The following SERINC5 variants were observed in gnomAD, a reference collection of about 807,000 sequenced individuals.
SERINC5 encodes serine incorporator 5.
SERINC5 carries 41 observed loss-of-function variants against 63.1 expected under a neutral mutation model. The observed-to-expected ratio is 0.65, with a 90% CI of 0.51 to 0.84. SERINC5 has a LOEUF of 0.84. Among genes scored for constraint, SERINC5 ranks in the 40% least tolerant of loss-of-function variants. SERINC5 has a pLI of 0.00. For missense variants in SERINC5, 523 were observed against 573.0 expected, an observed-to-expected ratio of 0.91 and a Z score of 0.89; for synonymous variants, 222 against 215.2, an observed-to-expected ratio of 1.03 and a Z score of -0.28.
At chr5:80,242,953 T>C (rs1183925706) in intron 1 of SERINC5, among the ~76,000 whole-genome samples, 2 of 152,144 alleles carry the variant, frequency 1.3e-5, no homozygotes, top group Admixed American at 1.3e-4. Context: ...ATTTCTTCCC[T>C]GCTATACAAA....
intron 9 of SERINC5, among the ~76,000 whole-genome samples, chr5:80,148,470 G>A (rs113142379): frequency 0.047 from 7,206 of 151,920 alleles, 588 homozygotes; most frequent in African/African-American, 0.16. Flanking sequence ...GATTACAGCC[G>A]TGAGCCACTG....
chr5:80,210,439 T>C (rs555317345), intron 1 of SERINC5, among the ~76,000 whole-genome samples: 1 of 152,296 alleles, frequency 6.6e-6, no homozygotes, highest in East Asian at 1.9e-4. Flanking sequence ...CGCACCAGCC[T>C]TGGGCACAGA....
At chr5:80,207,123 C>T (rs1032393643) in intron 1 of SERINC5, among the ~76,000 whole-genome samples, 22 of 151,052 alleles carry the variant, frequency 1.5e-4, no homozygotes, top group Admixed American at 1.1e-3. Flanking sequence ...CTCAGCCTCC[C>T]GAGTAGCTGG....
intron 2 of SERINC5, among the ~76,000 whole-genome samples, chr5:80,196,994 A>AT (rs35369419): frequency 0.38 from 58,029 of 151,990 alleles, 11,621 homozygotes; most frequent in East Asian, 0.67. Context: ...ACAACAGAAT[A>AT]TTATCTAGCC....
At chr5:80,206,572 A>T (rs546405514) in intron 1 of SERINC5, among the ~76,000 whole-genome samples, 1 of 152,318 alleles carries the variant, frequency 6.6e-6, no homozygotes, top group Admixed American at 6.5e-5. Context: ...TCGGGCTGAG[A>T]TAAGAGAATA....
At chr5:80,134,494 A>G (rs552900835), downstream of SERINC5, among the ~76,000 whole-genome samples, 1 of 152,294 alleles carries the variant, frequency 6.6e-6, no homozygotes, top group South Asian at 2.1e-4. Context: ...TCAAAACAAA[A>G]CAAAACAAAA....
At chr5:80,231,762 A>G (rs983221938) in intron 1 of SERINC5, among the ~76,000 whole-genome samples, 1 of 152,208 alleles carries the variant, frequency 6.6e-6, no homozygotes, top group African/African-American at 2.4e-5. Flanking sequence ...ATTCAAATGC[A>G]AAACAATGAA....
intron 1 of SERINC5, among the ~76,000 whole-genome samples, chr5:80,225,925 A>T (rs1358000750): frequency 6.6e-6 from 1 of 152,056 alleles, no homozygotes; most frequent in Non-Finnish European, 1.5e-5. Context: ...AACCAAGGAG[A>T]TCCTTCTACC....
Position 80,141,329 on chromosome 5 carries a change from C to G in SERINC5, c.*2334G>C, listed in dbSNP as rs961468908. Reference sequence around the variant, plus strand: ...TGGCTGGGCTGGCTCCAGAAGGAAGCGACGAGGGCCTTCTACCGGCCACAC... The same window carrying G: ...TGGCTGGGCTGGCTCCAGAAGGAAGGGACGAGGGCCTTCTACCGGCCACAC... On this transcript the variant is annotated 3_prime_UTR_variant, in exon 12 of 12. Coordinates refer to ENST00000507668, the MANE Select transcript of SERINC5 (RefSeq NM_001174072.3). 28 of 985,306 alleles carry G rather than the reference C, an allele frequency of 2.8e-5. No individual in the cohort carries two copies. Among genetic ancestry groups the G allele is most frequent in the South Asian group, 1.4e-4 (3 of 21,286 alleles). The allele number at this position is 985,306 out of a possible 1,614,324, so 61.0% of individuals were successfully genotyped here.
chr5:80,225,905 T>C (rs7730146), intron 1 of SERINC5, among the ~76,000 whole-genome samples: 90,872 of 151,792 alleles, frequency 0.6, 27,471 homozygotes, highest in African/African-American at 0.67. Context: ...AAGATGTGAG[T>C]GTCTTTGGTA....
chr5:80,158,069 C>T (rs1390498737), intron 8 of SERINC5: 2 of 152,130 alleles, frequency 1.3e-5, no homozygotes, highest in African/African-American at 2.4e-5. Context: ...TTATACTGAA[C>T]ATTAACAAAA....
rs1350128884 is a variant in SERINC5 at position 80,138,852 on chromosome 5, T to G, written c.*4811A>C. 6 of 979,908 alleles carry G rather than the reference T, an allele frequency of 6.1e-6. No individual in the cohort carries two copies. The highest frequency in any genetic ancestry group is 7.3e-6 in the Non-Finnish European group (6 of 825,040). The allele number at this position is 979,908 out of a possible 1,614,324, so 60.7% of individuals were successfully genotyped here. On this transcript the variant is annotated 3_prime_UTR_variant, in exon 12 of 12. Transcript: ENST00000507668. ...TGCAAAACAACTAACTTGAGTACTT[T>G]AATTATATATGTATCTAGCAGAAGA...
At chr5:80,211,126 C>T (rs1222528075) in intron 1 of SERINC5, among the ~76,000 whole-genome samples, 1 of 152,082 alleles carries the variant, frequency 6.6e-6, no homozygotes, top group Non-Finnish European at 1.5e-5. Context: ...TGAGTTAACC[C>T]CAGAGCAAGG....
At chr5:80,225,736 C>A in intron 1 of SERINC5, among the ~76,000 whole-genome samples, 1 of 152,130 alleles carries the variant, frequency 6.6e-6, no homozygotes, top group East Asian at 1.9e-4. Context: ...CTCACACATG[C>A]ACACGAGTGT....
At chr5:80,236,336 A>AG (rs978238880) in intron 1 of SERINC5, among the ~76,000 whole-genome samples, 1 of 152,200 alleles carries the variant, frequency 6.6e-6, no homozygotes, top group Non-Finnish European at 1.5e-5. Flanking sequence ...TAAATGGCTG[A>AG]GAACATACCG....
chr5:80,239,820 G>A (rs1018636486), intron 1 of SERINC5, among the ~76,000 whole-genome samples: 1 of 152,142 alleles, frequency 6.6e-6, no homozygotes, highest in Non-Finnish European at 1.5e-5. Context: ...TTCAAAGATA[G>A]GAAGTTCCTG....
At chr5:80,185,419 C>T (rs182850457) in intron 2 of SERINC5, among the ~76,000 whole-genome samples, 246 of 152,278 alleles carry the variant, frequency 1.6e-3, no homozygotes, top group Non-Finnish European at 3.0e-3. Context: ...CATCAGATAA[C>T]ACCTGTGAAG....
At position 80,169,565 on chromosome 5, in the gene SERINC5, G is replaced by A; in HGVS notation, c.552-19C>T. The A allele has an allele frequency of 6.3e-7, 1 of 1,595,490 alleles. No individual in the cohort carries two copies. The highest frequency in any genetic ancestry group is 8.6e-7 in the Non-Finnish European group (1 of 1,168,652). On this transcript the variant is annotated intron_variant, in intron 5 of 11. Coordinates refer to ENST00000507668, the MANE Select transcript of SERINC5 (RefSeq NM_001174072.3). ...TGCTGTCCTGTTTCTCCGGGAAGTG[G>A]GTAAGAGGGAGAGGAGAGAAGACAA...
At chr5:80,183,480 C>CATCCCCTGTGACTTGCACGT (rs367719783) in intron 2 of SERINC5, among the ~76,000 whole-genome samples, 2 of 152,132 alleles carry the variant, frequency 1.3e-5, no homozygotes, top group East Asian at 1.9e-4. Context: ...CAAGCCATCT[C>CATCCCCTGTGACTTGCACGT]ATCCCCTGTG....
Sources: allele counts gnomAD v4.1 joint callset (sites outside exome capture counted in the v4.1 genomes callset), GRCh38; gene constraint gnomAD v4.1.1; transcripts MANE v1.5; gene names NCBI Gene and HGNC (gene_info 2026-07-23, HGNC 2026-07-21).